Variants in TTC7A observed in about 807,000 individuals in gnomAD.
TTC7A encodes the protein tetratricopeptide repeat protein 7A.
In TTC7A, 110 loss-of-function variants were observed where a neutral mutation model predicts 103.7. The ratio of observed to expected loss-of-function variants is 1.06; its 90% confidence interval spans 0.91 to 1.24. TTC7A has a LOEUF of 1.24. Among genes scored for constraint, TTC7A ranks in the 50% most tolerant of loss-of-function variants. TTC7A has a pLI of 0.00. For missense variants in TTC7A, 1,340 were observed against 1,116.3 expected (o/e 1.20, Z -2.86); for synonymous variants, 521 against 467.9 (o/e 1.11, Z -1.47).
intron 5 of TTC7A, among the ~76,000 whole-genome samples, chr2:46,990,248 G>T (rs192328808): frequency 6.6e-6 from 1 of 152,350 alleles, no homozygotes; most frequent in East Asian, 1.9e-4. Context: ...CTGTCTTCTG[G>T]TGGTGGCTGG....
At chr2:47,005,236 G>T (rs537617627) in intron 8 of TTC7A, among the ~76,000 whole-genome samples, 52 of 152,242 alleles carry the variant, frequency 3.4e-4, no homozygotes, top group African/African-American at 1.1e-3. Context: ...GGAAGGGAGG[G>T]GGGGGCTCTG....
intron 3 of TTC7A, among the ~76,000 whole-genome samples, chr2:46,970,066 T>C (rs900301324): frequency 2.0e-5 from 3 of 152,146 alleles, no homozygotes; most frequent in African/African-American, 7.2e-5. Context: ...CTTGGCTTAC[T>C]GCAGCCTCCA....
At chr2:46,950,585 TGTCCA>T in intron 2 of TTC7A, 59 bp downstream of exon 2, 3 of 1,563,876 alleles carry the variant, frequency 1.9e-6, no homozygotes, top group Non-Finnish European at 2.6e-6. Context: ...GCCTCGCATC[TGTCCA>T]GTCCTCCCTG....
chr2:47,052,031 C>G lies in TTC7A; in HGVS notation c.2152+151C>G, dbSNP rs1417335815. The G allele has an allele frequency of 5.9e-6, 6 of 1,018,070 alleles. No individual in the cohort carries two copies. In the African/African-American group the frequency reaches 8.1e-5, roughly 14 times the overall value. The allele number at this position is 1,018,070 out of a possible 1,614,324, so 63.1% of individuals were successfully genotyped here. A position where few individuals can be genotyped will look rare whatever the true frequency, so the allele number is the denominator to read the frequency against. ...AGTCCTCGCCTCTGGCTGTGGGTCTCCTTCTCTGCCCAGTGGAGATGGTGT... is the reference window on the plus strand; with the variant it reads ...AGTCCTCGCCTCTGGCTGTGGGTCTGCTTCTCTGCCCAGTGGAGATGGTGT... On this transcript the variant is annotated intron_variant, in intron 18 of 19. Transcript: ENST00000319190.
Position 46,946,673 on chromosome 2 carries a change from C to T in TTC7A, c.185-3690C>T, listed in dbSNP as rs146907859. On this transcript the variant is annotated intron_variant, in intron 1 of 19. Transcript: ENST00000319190. ...CTGGTCTCAATCAGTCCTACCACCT[C>T]GGCCTCCCAAAGTGCTGGGATTATA... 7.0e-4 allele frequency among the ~76,000 whole-genome samples: 106 copies of T among 152,288 alleles called. 2 individuals are homozygous for T. The highest frequency in any genetic ancestry group is 2.3e-3 in the African/African-American group (97 of 41,556).
At chr2:47,039,703 G>C (rs557270262) in intron 15 of TTC7A, among the ~76,000 whole-genome samples, 13 of 152,264 alleles carry the variant, frequency 8.5e-5, no homozygotes, top group Non-Finnish European at 8.8e-5. Flanking sequence ...ATAATTAGCA[G>C]TGTGATCCTG....
At position 47,073,778 on chromosome 2, in the gene TTC7A, C is replaced by T; in HGVS notation, c.2432C>T (p.Thr811Met). 5 of 1,613,786 alleles carry T rather than the reference C, an allele frequency of 3.1e-6. No individual in the cohort carries two copies. The highest frequency in any genetic ancestry group is 4.2e-6 in the Non-Finnish European group (5 of 1,180,004). ...CGTGATGCCGTGGAGAGGCAGAGTA[C>T]GTGCCACGAGGCGTGGCAGGGCCTG... ...VLRDAVERQSTCHEAWQGLGE... is the reference protein window; with the variant it reads ...VLRDAVERQSMCHEAWQGLGE... The change falls in exon 20 of 20, where the codon ACG becomes ATG. Residue 811 changes from threonine to methionine, a missense_variant. Physicochemically the swap from Thr to Met is moderately conservative, Grantham distance 81. Coordinates refer to ENST00000319190, the MANE Select transcript of TTC7A (RefSeq NM_020458.4).
At chr2:46,992,004 C>T (rs1303613237) in intron 5 of TTC7A, among the ~76,000 whole-genome samples, 3 of 152,312 alleles carry the variant, frequency 2.0e-5, no homozygotes, top group South Asian at 2.1e-4. Context: ...CTCCCAGGCC[C>T]CAAAGCCCCC....
chr2:47,012,570 CT>C (rs1296734073), intron 11 of TTC7A, among the ~76,000 whole-genome samples: 1 of 152,234 alleles, frequency 6.6e-6, no homozygotes, highest in East Asian at 1.9e-4. Context: ...AATTAGCAGC[CT>C]TTACAACTCT....
chr2:47,000,680 G>A (rs1676717514), intron 8 of TTC7A, among the ~76,000 whole-genome samples: 1 of 152,204 alleles, frequency 6.6e-6, no homozygotes, highest in Non-Finnish European at 1.5e-5. Context: ...GGGGGCAGGT[G>A]CTGGGTACAG....
At chr2:46,921,976 CT>C (rs1164893272) in intron 2 of TTC7A, among the ~76,000 whole-genome samples, 1 of 152,156 alleles carries the variant, frequency 6.6e-6, no homozygotes, top group Non-Finnish European at 1.5e-5. Flanking sequence ...GTGAGGGCCC[CT>C]GTAAGAAATA....
intron 19 of TTC7A, among the ~76,000 whole-genome samples, chr2:47,071,799 C>T (rs139750901): frequency 6.6e-6 from 1 of 152,218 alleles, no homozygotes; most frequent in African/African-American, 2.4e-5. Flanking sequence ...CCACATACTT[C>T]TTGATATCAG....
chr2:46,987,543 G>C (rs1245141197), intron 5 of TTC7A, among the ~76,000 whole-genome samples: 1 of 152,224 alleles, frequency 6.6e-6, no homozygotes, highest in Non-Finnish European at 1.5e-5. Flanking sequence ...ATTTCTCTCT[G>C]AGTTGGTTTT....
At chr2:46,954,439 C>T (rs1425119396) in intron 2 of TTC7A, among the ~76,000 whole-genome samples, 1 of 151,934 alleles carries the variant, frequency 6.6e-6, no homozygotes, top group African/African-American at 2.4e-5. Context: ...TTAATGTTGC[C>T]AAGTAAGGAC....
At chr2:47,017,287 G>A (rs2104520878) in intron 11 of TTC7A, among the ~76,000 whole-genome samples, 1 of 151,584 alleles carries the variant, frequency 6.6e-6, no homozygotes, top group East Asian at 1.9e-4. Flanking sequence ...GGCTAAGTGG[G>A]AAGGGTCGCT....
At chr2:46,924,820 G>A (rs1188284391) in intron 2 of TTC7A, among the ~76,000 whole-genome samples, 1 of 152,196 alleles carries the variant, frequency 6.6e-6, no homozygotes, top group East Asian at 1.9e-4. Context: ...TAGAGACAAG[G>A]TTTCACCATG....
chr2:47,021,742 G>C, intron 11 of TTC7A, 120 bp from the exon 12 acceptor site: 1 of 786,216 alleles, frequency 1.3e-6, no homozygotes, highest in Non-Finnish European at 2.2e-6. Context: ...CTCCCTGTGA[G>C]AGTAAGGCCC....
upstream of TTC7A, among the ~76,000 whole-genome samples, chr2:46,940,586 G>A (rs1263995976): frequency 2.6e-5 from 4 of 152,254 alleles, no homozygotes; most frequent in Admixed American, 2.6e-4. The surrounding 1 kb of genome is among the most constrained non-coding windows in gnomAD (Gnocchi z 4.7). Context: ...CCAAGGTGGT[G>A]AAACAGCCTA....
intron 3 of TTC7A, among the ~76,000 whole-genome samples, chr2:46,960,323 C>T (rs1007873780): frequency 6.6e-6 from 1 of 152,212 alleles, no homozygotes; most frequent in African/African-American, 2.4e-5. Context: ...CAGAGCCTCC[C>T]CTGCCTGTCA....
Sources: allele counts gnomAD v4.1 joint callset (sites outside exome capture counted in the v4.1 genomes callset), GRCh38; gene constraint gnomAD v4.1.1; non-coding constraint Gnocchi (gnomAD v3.1); transcripts MANE v1.5; gene names NCBI Gene and HGNC (gene_info 2026-07-23, HGNC 2026-07-21).